The following STAB1 variants were observed in gnomAD, a reference collection of about 807,000 sequenced individuals.
The protein encoded by STAB1 is stabilin 1.
Under a neutral mutation model 332.4 loss-of-function variants are expected in STAB1, and 250 were observed. The observed-to-expected ratio is 0.75, with a 90% confidence interval of 0.68 to 0.84. STAB1 has a LOEUF of 0.84. STAB1 is among the 40% of genes least tolerant of loss of function. STAB1 has a pLI of 0.00. For missense variants in STAB1, 3,249 were observed against 3,489.7 expected, an observed-to-expected ratio of 0.93 and a Z score of 1.74; for synonymous variants, 1,475 against 1,390.4, an observed-to-expected ratio of 1.06 and a Z score of -1.35.
chr3:52,517,850 C>T (rs1201861090), intron 44 of STAB1, 31 bp from the exon 45 acceptor site: 5 of 1,611,782 alleles, frequency 3.1e-6, no homozygotes, highest in Non-Finnish European at 4.2e-6. Flanking sequence ...GTGAAAGCCA[C>T]TGATACCTTC....
intron 29 of STAB1, 35 bp downstream of exon 29, chr3:52,512,993 T>G (rs1259924660): frequency 7.5e-6 from 12 of 1,599,108 alleles, no homozygotes; most frequent in Non-Finnish European, 1.0e-5. Flanking sequence ...GGGAGGGGCT[T>G]CCTTGAGGGA....
intron 5 of STAB1, 54 bp from the exon 6 acceptor site, chr3:52,502,578 A>G (rs1196301532): frequency 5.4e-6 from 8 of 1,482,652 alleles, no homozygotes; most frequent in East Asian, 2.3e-5. Flanking sequence ...CCGATGTCCC[A>G]GTGTGTGCCT....
rs199513934 is a variant in STAB1, at chr3:52,504,967, A to C, written c.1378-36A>C. On this transcript the variant is annotated intron_variant, in intron 12 of 68. Transcript: ENST00000321725. ...GGGAGCCTCCGGACAGGGGGCTGGCATATGGGATCTGGCCAGACCTCTTGT... is the reference window on the plus strand; with the variant it reads ...GGGAGCCTCCGGACAGGGGGCTGGCCTATGGGATCTGGCCAGACCTCTTGT... The C allele has an allele frequency of 1.4e-3, 2,247 of 1,612,798 alleles. 4 individuals carry two copies. The highest frequency in any genetic ancestry group is 1.8e-3 in the Non-Finnish European group (2,110 of 1,179,458).
chr3:52,503,168 C>A, intron 7 of STAB1, 59 bp downstream of exon 7: 1 of 1,512,422 alleles, frequency 6.6e-7, no homozygotes, highest in Non-Finnish European at 9.0e-7. Flanking sequence ...GCTGGGAGAG[C>A]ATCCTTTAAC....
At chr3:52,508,689 G>A (rs1160503568) in intron 21 of STAB1, 22 of 353,090 alleles carry the variant, frequency 6.2e-5, no homozygotes, top group South Asian at 4.9e-4. Flanking sequence ...TGGTGTTATG[G>A]CACACACCTG....
chr3:52,510,593 G>C, intron 25 of STAB1, 86 bp downstream of exon 25: 1 of 1,499,486 alleles, frequency 6.7e-7, no homozygotes. Flanking sequence ...GCAGAGTCAG[G>C]TGCTCAGGGT....
intron 45 of STAB1, 109 bp from the exon 46 acceptor site, chr3:52,518,203 T>C (rs1474156535): frequency 3.2e-6 from 5 of 1,564,900 alleles, no homozygotes; most frequent in African/African-American, 1.4e-5. Flanking sequence ...CCCGCGGCTT[T>C]CCTTTCCTCA....
Position 52,523,701 on chromosome 3 carries a change from C to T in STAB1, c.7340C>T (p.Ala2447Val). 2 of 1,610,798 alleles carry T rather than the reference C, an allele frequency of 1.2e-6. No individual in the cohort carries two copies. The highest frequency in any genetic ancestry group is 8.5e-7 in the Non-Finnish European group (1 of 1,178,222). ...VSRIIVWDIM[A>V]FNGIIHALAS... ...CGTATCATTGTGTGGGACATCATGG[C>T]CTTCAATGGCATCATCCATGCTCTG... The change falls in exon 66 of 69, where the codon GCC becomes GTC. Residue 2447 changes from alanine (A) to valine (V), a missense_variant. Coordinates refer to ENST00000321725, the MANE Select transcript of STAB1 (RefSeq NM_015136.3).
chr3:52,501,871 G>A (rs1036065641), intron 3 of STAB1, 118 bp downstream of exon 3: 21 of 1,374,728 alleles, frequency 1.5e-5, no homozygotes, highest in South Asian at 5.0e-5. Context: ...AATACTCACC[G>A]AGCGCCTCCA....
Position 52,513,903 on chromosome 3 carries a change from G to C in STAB1, c.3369G>C (p.Gly1123=). 6.2e-7 allele frequency: 1 copy of C among 1,604,706 alleles called. No individual in the cohort carries two copies. The highest frequency in any genetic ancestry group is 8.5e-7 in the Non-Finnish European group (1 of 1,173,322). The part of the protein sequence containing the change: ...ILSQVLLPPR[G]DVPGGQGLLQ... ...ACCAGGTCTTACTGCCCCCCCGAGG[G>C]GATGTGCCCGGTGGGCAGGGGTTGC... is the stretch of plus-strand genomic sequence containing the variant. Residue 1123 remains glycine, a synonymous_variant, in exon 32 of 69, where the codon GGG becomes GGC. Transcript: ENST00000321725.
chr3:52,509,778 C>T (rs1709155047), intron 22 of STAB1, 92 bp from the exon 23 acceptor site: 1 of 1,403,914 alleles, frequency 7.1e-7, no homozygotes. Flanking sequence ...GTACTGGCTG[C>T]CCCACTCCCT....
At chr3:52,519,700 G>A in intron 50 of STAB1, 136 bp downstream of exon 50, 6 of 1,326,460 alleles carry the variant, frequency 4.5e-6, no homozygotes, top group Non-Finnish European at 6.2e-6. Flanking sequence ...ACTCATGTGT[G>A]CACAAGCCAC....
At position 52,514,350 on chromosome 3, in the gene STAB1, C is replaced by G; in HGVS notation, c.3547-15C>G. On this transcript the variant is annotated splice_polypyrimidine_tract_variant and intron_variant, in intron 33 of 68. Coordinates refer to ENST00000321725, the MANE Select transcript of STAB1 (RefSeq NM_015136.3). ...GTTATCCTGCAGTCCCCTGGGTTCT[C>G]TCCTTCTCTTCCAGGACGCAGACAC... 1 of 1,545,638 alleles carries G rather than the reference C, an allele frequency of 6.5e-7. No homozygotes were observed. Among genetic ancestry groups the G allele is most frequent in the Middle Eastern group, 1.9e-4 (1 of 5,330 alleles).
rs1356118325 is a variant in STAB1, at chr3:52,510,355, T to C, written c.2635T>C (p.Cys879Arg). ...DRGGCSENAE[C>R]VPGSLGTHHC... Reference sequence around the variant, plus strand: ...TTATCCATGGCTCTCACAGGCTGAGTGTGTCCCTGGGTCCCTGGGCACCCA... The same window carrying C: ...TTATCCATGGCTCTCACAGGCTGAGCGTGTCCCTGGGTCCCTGGGCACCCA... Residue 879 changes from cysteine to arginine, a missense_variant, in exon 25 of 69, where the codon TGT becomes CGT. Transcript: ENST00000321725. 7.4e-6 allele frequency: 12 copies of C among 1,613,838 alleles called. No individual in the cohort carries two copies. The highest frequency in any genetic ancestry group is 1.0e-5 in the Non-Finnish European group (12 of 1,179,982).
intron 1 of STAB1, among the ~76,000 whole-genome samples, chr3:52,499,718 T>C (rs565501053): frequency 4.7e-4 from 70 of 149,936 alleles, no homozygotes; most frequent in African/African-American, 1.6e-3. Context: ...GCTAAAACGG[T>C]GAAACCCCGT....
In STAB1 at chr3:52,520,711, G is replaced by T. The variant is rs775792450; in HGVS notation, c.5706+13G>T. ...GTCACAGGAGCAGGTACAGGGCTAG[G>T]GGCTGAGTGGGGGTGGTGGGGTGGG... On this transcript the variant is annotated intron_variant, in intron 54 of 68. Coordinates refer to ENST00000321725, the MANE Select transcript of STAB1 (RefSeq NM_015136.3). 42 of 1,612,272 alleles carry T rather than the reference G, an allele frequency of 2.6e-5. No homozygotes were observed. Among genetic ancestry groups the T allele is most frequent in the Non-Finnish European group, 2.6e-5 (31 of 1,179,856 alleles).
intron 62 of STAB1, 22 bp from the exon 63 acceptor site, chr3:52,523,003 C>T: frequency 6.3e-7 from 1 of 1,589,276 alleles, no homozygotes; most frequent in Non-Finnish European, 8.6e-7. Flanking sequence ...TCTGCTGAGC[C>T]ACTGACCTGC....
In STAB1 at chr3:52,523,719, A is replaced by G. The variant is rs772006825; in HGVS notation, c.7358A>G (p.His2453Arg). The G allele has an allele frequency of 6.8e-6, 11 of 1,606,500 alleles. No homozygotes were observed. The highest frequency in any genetic ancestry group is 4.0e-5 in the African/African-American group (3 of 74,796). The change falls in exon 66 of 69, where the codon CAT becomes CGT. Residue 2453 changes from histidine (H) to arginine (R), a missense_variant. Physicochemically the swap from His to Arg is conservative, Grantham distance 29 (BLOSUM62 0). Coordinates refer to ENST00000321725, the MANE Select transcript of STAB1 (RefSeq NM_015136.3). ...ATCATGGCCTTCAATGGCATCATCC[A>G]TGCTCTGGCCAGCCCCCTCCTGGCA... ...WDIMAFNGII[H>R]ALASPLLAPP... is the part of the protein sequence containing the mutation.
At chr3:52,514,263 G>A (rs1361736481) in intron 33 of STAB1, 50 bp downstream of exon 33, 18 of 1,605,654 alleles carry the variant, frequency 1.1e-5, no homozygotes, top group East Asian at 2.2e-5. Context: ...GGCATAGAGG[G>A]CGAGCCTCCA....
Sources: allele counts gnomAD v4.1 joint callset (sites outside exome capture counted in the v4.1 genomes callset), GRCh38; gene constraint gnomAD v4.1.1; transcripts MANE v1.5; gene names NCBI Gene and HGNC (gene_info 2026-07-23, HGNC 2026-07-21).